The following DNAH10 variants were observed in gnomAD, a reference collection of about 807,000 sequenced individuals.
DNAH10 encodes the protein dynein axonemal heavy chain 10, also known as axonemal beta dynein heavy chain 10.
DNAH10 carries 348 observed loss-of-function variants against 506.6 expected under a neutral mutation model. The observed-to-expected ratio is 0.69, with a 90% CI of 0.63 to 0.75. The LOEUF is 0.75. DNAH10 is among the 30% of genes least tolerant of loss of function. The pLI is 0.00. For missense variants in DNAH10, 5,179 were observed against 5,787.1 expected, an observed-to-expected ratio of 0.89 and a Z score of 3.41; for synonymous variants, 2,059 against 2,198.6, an observed-to-expected ratio of 0.94 and a Z score of 1.78.
intron 35 of DNAH10, among the ~76,000 whole-genome samples, chr12:123,851,978 C>T (rs1951193896): frequency 6.6e-6 from 1 of 152,150 alleles, no homozygotes; most frequent in African/African-American, 2.4e-5. Flanking sequence ...TCTCTACAGC[C>T]CAGGCTGGTC....
At chr12:123,826,514 CTTG>C (rs1195881849) in intron 24 of DNAH10, among the ~76,000 whole-genome samples, 170 bp from the exon 25 acceptor site, 4 of 152,164 alleles carry the variant, frequency 2.6e-5, no homozygotes, top group Admixed American at 1.3e-4. Context: ...GAATTCTTTT[CTTG>C]TTGTTTTAGA....
At chr12:123,930,752 T>G (rs1955167294) in intron 73 of DNAH10, among the ~76,000 whole-genome samples, 179 bp downstream of exon 73, 1 of 152,166 alleles carries the variant, frequency 6.6e-6, no homozygotes, top group South Asian at 2.1e-4. Flanking sequence ...AGTTCAGATT[T>G]CCCATCCTGG....
intron 43 of DNAH10, among the ~76,000 whole-genome samples, chr12:123,869,698 A>G (rs1951949863): frequency 6.6e-6 from 1 of 152,088 alleles, no homozygotes; most frequent in African/African-American, 2.4e-5. Flanking sequence ...GCCAAGGCCA[A>G]CCCAGCCCCT....
At chr12:123,832,982 A>G (rs1394126801) in intron 26 of DNAH10, 132 bp from the exon 27 acceptor site, 5 of 670,208 alleles carry the variant, frequency 7.5e-6, no homozygotes, top group African/African-American at 3.6e-5. Context: ...CAGAATCCCA[A>G]CTTTTCAGGA....
At position 123,916,748 on chromosome 12, in the gene DNAH10, T is replaced by TAG. The variant is rs777858697; in HGVS notation, c.11002+14_11002+15dup. The TAG allele has an allele frequency of 1.2e-5, 19 of 1,596,478 alleles. No individual in the cohort carries two copies. The highest frequency in any genetic ancestry group is 1.3e-5 in the Non-Finnish European group (15 of 1,170,200). The stretch of plus-strand genomic sequence containing the variant: ...GATCAATTACACTGGTAAGAATGTG[T>TAG]AGAACCTCCACTGCTAATTCAGATG... On this transcript the variant is annotated intron_variant, in intron 63 of 78. Coordinates refer to ENST00000673944, the MANE Select transcript of DNAH10 (RefSeq NM_001372106.1). This position sits in a 1 kb window ranked among gnomAD's most constrained non-coding sequence, Gnocchi z 4.6.
Position 123,846,250 on chromosome 12 carries a change from AGG to A in DNAH10, c.5814+99_5814+100del, listed in dbSNP as rs36101774. The A allele has an allele frequency of 7.3e-7, 1 of 1,377,080 alleles. No individual in the cohort carries two copies. The highest frequency in any genetic ancestry group is 9.7e-7 in the Non-Finnish European group (1 of 1,029,618). The allele number at this position is 1,377,080 out of a possible 1,614,324, so 85.3% of individuals were successfully genotyped here. On this transcript the variant is annotated intron_variant, in intron 32 of 78. Coordinates refer to ENST00000673944, the MANE Select transcript of DNAH10 (RefSeq NM_001372106.1). This position sits in a 1 kb window ranked among gnomAD's most constrained non-coding sequence, Gnocchi z 4.5. ...TGATGACTGCAGTGATTGAAATAGC[AGG>A]GGAGATCATTGCTTTGAAATCTCGA... is the stretch of plus-strand genomic sequence containing the variant.
rs760379761 is a variant in DNAH10, at chr12:123,893,374, A to G, written c.9137A>G (p.His3046Arg). The G allele has an allele frequency of 2.5e-6, 4 of 1,613,894 alleles. No individual in the cohort carries two copies. Among genetic ancestry groups the G allele is most frequent in the Non-Finnish European group, 3.4e-6 (4 of 1,179,898 alleles). The stretch of plus-strand genomic sequence containing the variant: ...GTGAACAAAAGTGCAAATAACCTGC[A>G]CATTGTCCTGGGCATGTCGCCAGTG... The part of the protein sequence containing the change: ...YFVNKSANNL[H>R]IVLGMSPVGD... The change falls in exon 53 of 79, where the codon CAC becomes CGC. Residue 3046 changes from histidine (H) to arginine (R), a missense_variant. This residue lies in a region of DNAH10 where 4,844 missense variants were observed against 5,430.5 expected (regional missense o/e 0.89). Coordinates refer to ENST00000673944, the MANE Select transcript of DNAH10 (RefSeq NM_001372106.1).
chr12:123,855,218 T>C (rs1447390729), intron 36 of DNAH10, among the ~76,000 whole-genome samples: 5 of 152,160 alleles, frequency 3.3e-5, no homozygotes, highest in African/African-American at 1.2e-4. Flanking sequence ...CATACCCACA[T>C]TTCCAGATAG....
Position 123,881,827 on chromosome 12 carries a change from C to T in DNAH10, c.8823+14C>T, listed in dbSNP as rs1449133782. On this transcript the variant is annotated intron_variant, in intron 51 of 78. Transcript: ENST00000673944. ...GCCAGCTGTGAGGTCAGTCCACGTA[C>T]CCTCCCAGAAATAGGTTTACGATGC... 3 of 1,466,116 alleles carry T rather than the reference C, an allele frequency of 2.0e-6. No homozygotes were observed. Among genetic ancestry groups the T allele is most frequent in the Non-Finnish European group, 2.7e-6 (3 of 1,107,930 alleles). The allele number at this position is 1,466,116 out of a possible 1,614,324, so 90.8% of individuals were successfully genotyped here. A position where few individuals can be genotyped will look rare whatever the true frequency, so the allele number is the denominator to read the frequency against.
In DNAH10 at chr12:123,897,880, C is replaced by T. The variant is rs375220630; in HGVS notation, c.9391C>T (p.Arg3131Cys). Residue 3131 changes from arginine to cysteine, a missense_variant, in exon 55 of 79, where the codon CGC (arginine) becomes TGC (cysteine). Physicochemically the swap from Arg to Cys is radical, Grantham distance 180. This residue lies in a region of DNAH10 where 4,844 missense variants were observed against 5,430.5 expected (regional missense o/e 0.89). Coordinates refer to ENST00000673944, the MANE Select transcript of DNAH10 (RefSeq NM_001372106.1). ...YSQQFLQKLR[R>C]SNYVTPKNYL... ...CCAACAGTTTCTACAGAAATTGAGGCGCAGCAACTATGTCACTCCCAAGAA... is the reference window on the plus strand; with the variant it reads ...CCAACAGTTTCTACAGAAATTGAGGTGCAGCAACTATGTCACTCCCAAGAA... The T allele has an allele frequency of 4.2e-5, 68 of 1,610,896 alleles. No individual in the cohort carries two copies. The highest frequency in any genetic ancestry group is 8.9e-5 in the East Asian group (4 of 44,756).
intron 45 of DNAH10, among the ~76,000 whole-genome samples, chr12:123,872,076 C>T (rs1020899285): frequency 6.6e-6 from 1 of 152,118 alleles, no homozygotes; most frequent in East Asian, 1.9e-4. Flanking sequence ...TGCACCAGGG[C>T]ATGGACACCT....
intron 52 of DNAH10, among the ~76,000 whole-genome samples, chr12:123,890,246 A>G (rs923446182): frequency 4.6e-5 from 7 of 152,048 alleles, no homozygotes; most frequent in African/African-American, 1.7e-4. Context: ...GTCCAGATTT[A>G]TGGGTTTTTT....
rs184986037 is a variant in DNAH10, at chr12:123,782,740, T to G, written c.842-367T>G. The stretch of plus-strand genomic sequence containing the variant: ...TCTCCTTTTCTTTACATTATTTCAA[T>G]TTCCCCTGATGTCATTTTTCCCCTG... On this transcript the variant is annotated intron_variant, in intron 6 of 78. Transcript: ENST00000673944. Among the ~76,000 whole-genome samples, 131 of 152,274 alleles carry G rather than the reference T, an allele frequency of 8.6e-4. 2 individuals carry two copies. In the East Asian group the frequency reaches 0.024, roughly 28 times the overall value.
chr12:123,918,341 C>G (rs746754855), intron 64 of DNAH10, among the ~76,000 whole-genome samples: 5 of 152,230 alleles, frequency 3.3e-5, no homozygotes, highest in Non-Finnish European at 7.3e-5. Flanking sequence ...CCAAAGCAGC[C>G]CTGGGAGCTT....
chr12:123,786,512 A>G (rs1376656691), intron 9 of DNAH10, among the ~76,000 whole-genome samples: 2 of 151,858 alleles, frequency 1.3e-5, no homozygotes, highest in African/African-American at 2.4e-5. Flanking sequence ...TTGCATATAA[A>G]TGGAATCAGA....
At chr12:123,870,345 A>C in intron 43 of DNAH10, 21 bp from the exon 44 acceptor site, 5 of 1,608,130 alleles carry the variant, frequency 3.1e-6, no homozygotes, top group Non-Finnish European at 4.2e-6. Context: ...TTCAAGTGAA[A>C]TCAACCATGA....
intron 29 of DNAH10, among the ~76,000 whole-genome samples, chr12:123,840,723 T>C (rs539186150): frequency 2.6e-5 from 4 of 152,320 alleles, no homozygotes; most frequent in African/African-American, 9.6e-5. Flanking sequence ...TGTGAGTGCC[T>C]TGTATATGGT....
intron 54 of DNAH10, among the ~76,000 whole-genome samples, chr12:123,894,960 G>A (rs1953152302): frequency 6.6e-6 from 1 of 152,226 alleles, no homozygotes; most frequent in African/African-American, 2.4e-5. Flanking sequence ...GTTCTCCACA[G>A]CAGCAGTTGG....
chr12:123,905,765 T>A (rs1953746626), intron 57 of DNAH10, among the ~76,000 whole-genome samples: 1 of 152,166 alleles, frequency 6.6e-6, no homozygotes, highest in South Asian at 2.1e-4. Flanking sequence ...GCTTTTTATA[T>A]AATGGGGAGC....
Sources: gnomAD v4.1 joint callset for allele counts (sites outside exome capture counted in the v4.1 genomes callset) on GRCh38, gnomAD v4.1.1 for gene constraint, gnomAD v4.1.1 regional missense constraint, Gnocchi (gnomAD v3.1) non-coding constraint, MANE v1.5 for transcripts, NCBI Gene and HGNC (gene_info 2026-07-23, HGNC 2026-07-21) for gene names.